Variants in CES5A observed in about 807,000 individuals in gnomAD.
The protein encoded by CES5A is carboxylesterase 5.
Under a neutral mutation model 62.9 loss-of-function variants are expected in CES5A, and 67 were observed. That is an observed-to-expected ratio of 1.07 (90% CI 0.88 to 1.31). CES5A has a LOEUF of 1.31. Among genes scored for constraint, CES5A ranks in the 50% most tolerant of loss-of-function variants. The pLI, the probability that CES5A is intolerant of heterozygous loss-of-function variation, is 0.00. For synonymous variants in CES5A, 296 were observed against 280.8 expected (o/e 1.05, Z -0.54); for missense variants, 748 against 708.5 (o/e 1.06, Z -0.63).
At chr16:55,926,276 G>GA (rs1470607615), upstream of CES5A, among the ~76,000 whole-genome samples, 1 of 152,062 alleles carries the variant, frequency 6.6e-6, no homozygotes, top group Non-Finnish European at 1.5e-5. Flanking sequence ...AAAAAGAATA[G>GA]AAAAAAGGCA....
intron 1 of CES5A, among the ~76,000 whole-genome samples, chr16:55,952,817 G>A (rs2142489535): frequency 6.6e-6 from 1 of 152,192 alleles, no homozygotes; most frequent in South Asian, 2.1e-4. Context: ...GAAAGTTTAT[G>A]GTCAAGTTCT....
intron 11 of CES5A, 85 bp from the exon 12 acceptor site, chr16:55,846,925 C>A: frequency 9.6e-7 from 1 of 1,045,432 alleles, no homozygotes; most frequent in Non-Finnish European, 1.5e-6. Context: ...ATCCTTTTCA[C>A]ACCCCTCCTC....
rs1172326888 is a variant in CES5A at position 55,951,977 on chromosome 16, G to A, written c.43-2075C>T. On this transcript the variant is annotated intron_variant, in intron 1 of 13. Coordinates refer to the CES5A transcript ENST00000521992. Reference sequence around the variant, plus strand: ...GTGATCTAATAGACATAGATGTTAAGAAGAGGAGACTTCATTATTTTCAGT... The same window carrying A: ...GTGATCTAATAGACATAGATGTTAAAAAGAGGAGACTTCATTATTTTCAGT... 2.0e-5 allele frequency among the ~76,000 whole-genome samples: 3 copies of A among 152,046 alleles called. No individual in the cohort carries two copies. In the South Asian group the frequency reaches 6.2e-4, roughly 32 times the overall value.
chr16:55,846,204 T>C lies in CES5A; in HGVS notation c.*247A>G, dbSNP rs969641145. ...CATATGAGTTACAAAACCATTATTA[T>C]GACAACTAATAGGCCAGCCCTCTTC... On this transcript the variant is annotated 3_prime_UTR_variant, in exon 13 of 13. Coordinates refer to ENST00000290567, the MANE Select transcript of CES5A (RefSeq NM_001143685.2). 3.7e-6 allele frequency: 2 copies of C among 546,610 alleles called. No individual in the cohort carries two copies. Among genetic ancestry groups the C allele is most frequent in the African/African-American group, 1.9e-5 (1 of 52,838 alleles). The allele number at this position is 546,610 out of a possible 1,614,324, so 33.9% of individuals were successfully genotyped here. A position where few individuals can be genotyped will look rare whatever the true frequency, so the allele number is the denominator to read the frequency against.
intron 2 of CES5A, among the ~76,000 whole-genome samples, chr16:55,940,184 T>G (rs1375737970): frequency 6.6e-6 from 1 of 151,402 alleles, no homozygotes; most frequent in Non-Finnish European, 1.5e-5. Context: ...AAGAAAGCAG[T>G]AAAAGTAATG....
chr16:55,948,679 A>T (rs76621168), intron 2 of CES5A, among the ~76,000 whole-genome samples: 1 of 152,084 alleles, frequency 6.6e-6, no homozygotes, highest in East Asian at 1.9e-4. Flanking sequence ...GGGTCCCAAG[A>T]TTTTATTTTC....
chr16:55,863,411 G>C lies in CES5A; in HGVS notation c.747C>G (p.Ile249Met). 1 of 1,609,562 alleles carries C rather than the reference G, an allele frequency of 6.2e-7. No homozygotes were observed. Among genetic ancestry groups the C allele is most frequent in the Non-Finnish European group, 8.5e-7 (1 of 1,176,812 alleles). ...GGATGATGGCCACCCCACTCTCCAT[G>C]ATGGCTTTGTGGAATAAGCCTTTGG... ...PMAKGLFHKAIMESGVAIIPY... is the reference protein window; with the variant it reads ...PMAKGLFHKAMMESGVAIIPY... Residue 249 changes from isoleucine to methionine, a missense_variant, in exon 6 of 13, where the codon ATC (isoleucine) becomes ATG (methionine). Physicochemically the swap from Ile to Met is conservative, Grantham distance 10. Coordinates refer to ENST00000290567, the MANE Select transcript of CES5A (RefSeq NM_001143685.2).
chr16:55,875,416 T>G (rs2033678356), upstream of CES5A: 2 of 1,315,266 alleles, frequency 1.5e-6, no homozygotes, highest in African/African-American at 1.5e-5. Context: ...CTGTTCTGAT[T>G]TACATAAGAA....
At chr16:55,850,184 G>T (rs1418481514) in intron 10 of CES5A, among the ~76,000 whole-genome samples, 4 of 152,176 alleles carry the variant, frequency 2.6e-5, no homozygotes, top group African/African-American at 9.7e-5. Flanking sequence ...TCTGTGGTCT[G>T]CCTTCTCATT....
intron 1 of CES5A, among the ~76,000 whole-genome samples, chr16:55,895,307 A>C (rs1946138): frequency 0.72 from 109,629 of 152,162 alleles, 39,523 homozygotes; most frequent in Non-Finnish European, 0.73. Context: ...ACAAAGTTTC[A>C]AAAAGTGTGT....
At chr16:55,911,450 AC>A (rs1439349521) in intron 1 of CES5A, among the ~76,000 whole-genome samples, 1 of 152,138 alleles carries the variant, frequency 6.6e-6, no homozygotes, top group Non-Finnish European at 1.5e-5. Context: ...CTTGAATAAT[AC>A]TCACCCATTT....
chr16:55,890,452 T>A (rs2078693538), intron 1 of CES5A, among the ~76,000 whole-genome samples: 1 of 152,068 alleles, frequency 6.6e-6, no homozygotes, highest in African/African-American at 2.4e-5. Flanking sequence ...GCATTTTAGG[T>A]TCAATCAATG....
intron 1 of CES5A, among the ~76,000 whole-genome samples, chr16:55,882,222 A>G (rs1451415067): frequency 1.3e-5 from 2 of 152,276 alleles, no homozygotes; most frequent in Middle Eastern, 3.4e-3. Context: ...AACTATAAAC[A>G]TACCCCCAGT....
In CES5A at chr16:55,869,645, C is replaced by G; in HGVS notation, c.517G>C (p.Val173Leu). The G allele has an allele frequency of 6.2e-7, 1 of 1,613,788 alleles. No homozygotes were observed. The highest frequency in any genetic ancestry group is 8.5e-7 in the Non-Finnish European group (1 of 1,179,922). ...CCAAATATTCCTAGCCGGTACTGGA[C>G]GACCACAACCAGCACGTCCTCATAG... Reference protein sequence around the residue: ...AAYEDVLVVVVQYRLGIFGFF... With the variant: ...AAYEDVLVVVLQYRLGIFGFF... Residue 173 changes from valine (V) to leucine (L), a missense_variant, in exon 4 of 13, where the codon GTC becomes CTC. Transcript: ENST00000290567.
intron 1 of CES5A, among the ~76,000 whole-genome samples, chr16:55,897,367 G>A (rs1189253901): frequency 6.6e-6 from 1 of 152,156 alleles, no homozygotes; most frequent in Non-Finnish European, 1.5e-5. Context: ...TAGAAGACAA[G>A]AGTACTTACA....
At chr16:55,849,507 C>A in intron 11 of CES5A, 117 bp downstream of exon 11, 2 of 1,098,006 alleles carry the variant, frequency 1.8e-6, no homozygotes, top group East Asian at 2.4e-5. Flanking sequence ...AAGGTTGTGT[C>A]CGCCTATAAA....
intron 9 of CES5A, 59 bp from the exon 10 acceptor site, chr16:55,853,087 A>T: frequency 6.4e-7 from 1 of 1,558,184 alleles, no homozygotes; most frequent in East Asian, 2.2e-5. Flanking sequence ...AACACGTTAA[A>T]CACTCACCTG....
At chr16:55,861,180 T>G (rs1397639887) in intron 7 of CES5A, among the ~76,000 whole-genome samples, 1 of 152,228 alleles carries the variant, frequency 6.6e-6, no homozygotes, top group Admixed American at 6.5e-5. Context: ...GAGACAAGCC[T>G]TGTACTTTGC....
chr16:55,953,609 G>A (rs2034580054), intron 1 of CES5A, among the ~76,000 whole-genome samples: 1 of 152,164 alleles, frequency 6.6e-6, no homozygotes, highest in Non-Finnish European at 1.5e-5. Flanking sequence ...AGCAGAAGTG[G>A]TATAAAGAGT....
Sources: gnomAD v4.1 joint callset for allele counts (sites outside exome capture counted in the v4.1 genomes callset) on GRCh38, gnomAD v4.1.1 for gene constraint, MANE v1.5 for transcripts, NCBI Gene and HGNC (gene_info 2026-07-23, HGNC 2026-07-21) for gene names.